PDE11A: variants seen among roughly 807,000 people sequenced by gnomAD.
The protein encoded by PDE11A is dual 3',5'-cyclic-AMP and -GMP phosphodiesterase 11A.
PDE11A carries 100 observed loss-of-function variants against 100.5 expected under a neutral mutation model. The observed-to-expected ratio is 1.00, with a 90% CI of 0.85 to 1.18. The LOEUF (loss-of-function observed/expected upper bound fraction) is 1.18, where lower values mean the gene tolerates loss of function less well. Among genes scored for constraint, PDE11A ranks in the 50% most tolerant of loss-of-function variants. The pLI is 0.00. For missense variants in PDE11A, 1,141 were observed against 1,152.6 expected (o/e 0.99, Z 0.15); for synonymous variants, 381 against 420.8 (o/e 0.91, Z 1.16).
chr2:178,010,152 G>A (rs923053891), intron 2 of PDE11A, among the ~76,000 whole-genome samples: 6 of 152,186 alleles, frequency 3.9e-5, no homozygotes, highest in African/African-American at 9.6e-5. Context: ...AGGCTAGAAA[G>A]ATGCAGCCAC....
intron 1 of PDE11A, among the ~76,000 whole-genome samples, chr2:178,035,075 A>G (rs1399329041): frequency 2.0e-5 from 3 of 152,178 alleles, no homozygotes; most frequent in African/African-American, 7.2e-5. Flanking sequence ...GAAAAAAATC[A>G]ATGAATCCAG....
At chr2:177,998,594 C>T in intron 2 of PDE11A, 2 of 1,297,686 alleles carry the variant, frequency 1.5e-6, no homozygotes, top group Non-Finnish European at 2.2e-6. Context: ...CAGAATCAGC[C>T]AATTCTGTAA....
intron 10 of PDE11A, among the ~76,000 whole-genome samples, chr2:177,739,884 A>G (rs2081847761): frequency 6.6e-6 from 1 of 152,244 alleles, no homozygotes; most frequent in Admixed American, 6.5e-5. Flanking sequence ...CATCACTCGC[A>G]GTGAGGAAGT....
chr2:177,896,417 C>T (rs1265016437), intron 4 of PDE11A, among the ~76,000 whole-genome samples: 1 of 152,192 alleles, frequency 6.6e-6, no homozygotes, highest in Non-Finnish European at 1.5e-5. Context: ...TATCTGTTTA[C>T]AAGTGAGCTA....
chr2:177,638,265 C>T (rs898438606), intron 19 of PDE11A, among the ~76,000 whole-genome samples: 2 of 151,958 alleles, frequency 1.3e-5, no homozygotes, highest in African/African-American at 4.8e-5. Context: ...TCCCAAAGTG[C>T]TGGGATTATA....
chr2:177,777,914 G>A (rs2082400603), intron 9 of PDE11A, among the ~76,000 whole-genome samples: 4 of 152,124 alleles, frequency 2.6e-5, no homozygotes, highest in Non-Finnish European at 5.9e-5. Context: ...GGTATTAATT[G>A]AGCAAATATT....
intron 2 of PDE11A, among the ~76,000 whole-genome samples, chr2:177,961,232 A>G (rs2085628433): frequency 6.6e-6 from 1 of 151,670 alleles, no homozygotes; most frequent in South Asian, 2.1e-4. Context: ...TCTCTGTCCC[A>G]GAAGAGAATG....
intron 13 of PDE11A, among the ~76,000 whole-genome samples, chr2:177,702,060 T>C (rs1366905260): frequency 6.6e-6 from 1 of 152,244 alleles, no homozygotes; most frequent in Admixed American, 6.5e-5. Flanking sequence ...TATTAATCAA[T>C]AATTGAAACA....
Position 177,820,250 on chromosome 2 carries a change from G to A in PDE11A, c.1546C>T (p.Pro516Ser), listed in dbSNP as rs1474347497. The A allele has an allele frequency of 6.3e-7, 1 of 1,588,052 alleles. No individual in the cohort carries two copies. Among genetic ancestry groups the A allele is most frequent in the Non-Finnish European group, 8.6e-7 (1 of 1,157,074 alleles). ...ATTTGGTGGTTGCTATTCCAAATAG[G>A]GACACAAAGAACAGATCTTATGTGA... Reference protein sequence around the residue: ...GFHIRSVLCVPIWNSNHQIIG... With the variant: ...GFHIRSVLCVSIWNSNHQIIG... Residue 516 changes from proline to serine, a missense_variant, in exon 7 of 20, where the codon CCT becomes TCT. By Grantham distance (74) the Pro-to-Ser change is moderately conservative (BLOSUM62 -1). Transcript: ENST00000286063.
intron 4 of PDE11A, among the ~76,000 whole-genome samples, chr2:177,891,709 C>G (rs2084531953): frequency 6.6e-6 from 1 of 152,202 alleles, no homozygotes; most frequent in Admixed American, 6.5e-5. Context: ...CTAGTCAAAT[C>G]TGATCTACTA....
intron 6 of PDE11A, among the ~76,000 whole-genome samples, chr2:177,834,500 G>C (rs2083360635): frequency 6.6e-6 from 1 of 152,140 alleles, no homozygotes; most frequent in Admixed American, 6.5e-5. Context: ...AATGGTTGCA[G>C]GCATGTGCAC....
chr2:178,107,721 CTTTTTT>C (rs1159976078), intron 1 of PDE11A, among the ~76,000 whole-genome samples: 3 of 123,050 alleles, frequency 2.4e-5, no homozygotes, highest in Non-Finnish European at 3.4e-5. Flanking sequence ...CTTTTTTTTT[CTTTTTT>C]TTTTTTTTTT....
rs183219873 is a variant in PDE11A at position 177,640,353 on chromosome 2, A to G, written c.2647-10791T>C. Reference sequence around the variant, plus strand: ...AATCATTGGAAGTTGGTATTTTGAAATGGAAAACCACTGATGATATGACCA... The same window carrying G: ...AATCATTGGAAGTTGGTATTTTGAAGTGGAAAACCACTGATGATATGACCA... On this transcript the variant is annotated intron_variant, in intron 19 of 19. Transcript: ENST00000286063. Among the ~76,000 whole-genome samples the G allele has an allele frequency of 5.4e-4, 83 of 152,316 alleles. No homozygotes were observed. The East Asian group carries it at 0.014, about 25-fold the overall frequency.
intron 13 of PDE11A, among the ~76,000 whole-genome samples, chr2:177,708,694 A>G (rs1289622593): frequency 2.0e-5 from 3 of 152,254 alleles, no homozygotes; most frequent in Admixed American, 2.0e-4. Context: ...TAAAGAAATC[A>G]GGAAACTTTG....
chr2:177,821,429 C>G (rs1186632020), intron 6 of PDE11A, among the ~76,000 whole-genome samples: 2 of 151,680 alleles, frequency 1.3e-5, no homozygotes, highest in East Asian at 1.9e-4. Flanking sequence ...AAGCCACCTC[C>G]AAACCCCTAA....
chr2:177,822,352 C>T (rs1437987454), intron 6 of PDE11A, among the ~76,000 whole-genome samples: 2 of 151,778 alleles, frequency 1.3e-5, no homozygotes, highest in African/African-American at 2.4e-5. Context: ...AAAGCAATAC[C>T]TCTCCCCATC....
At chr2:178,077,460 ACT>A (rs1485199312), upstream of PDE11A, among the ~76,000 whole-genome samples, 1 of 152,070 alleles carries the variant, frequency 6.6e-6, no homozygotes, top group African/African-American at 2.4e-5. Context: ...AGTATATTTT[ACT>A]GCAGAAATTT....
In PDE11A at chr2:177,769,383, A is replaced by T; in HGVS notation, c.1738-10T>A. 1 of 1,532,566 alleles carries T rather than the reference A, an allele frequency of 6.5e-7. No individual in the cohort carries two copies. The highest frequency in any genetic ancestry group is 9.0e-7 in the Non-Finnish European group (1 of 1,105,808). The allele number at this position is 1,532,566 out of a possible 1,614,324, so 94.9% of individuals were successfully genotyped here. A position where few individuals can be genotyped will look rare whatever the true frequency, so the allele number is the denominator to read the frequency against. The stretch of plus-strand genomic sequence containing the variant: ...CATGGTATGATAGCACCTGATTCAG[A>T]AGAAAAAAAAATAATTTTAATAACT... On this transcript the variant is annotated splice_polypyrimidine_tract_variant and intron_variant, in intron 9 of 19. Transcript: ENST00000286063.
intron 1 of PDE11A, among the ~76,000 whole-genome samples, chr2:178,037,090 A>G (rs1019369582): frequency 5.9e-5 from 9 of 152,228 alleles, no homozygotes; most frequent in African/African-American, 1.9e-4. Context: ...CAGGCAACCT[A>G]CAGAATGGGA....
Sources: allele counts gnomAD v4.1 joint callset (sites outside exome capture counted in the v4.1 genomes callset), GRCh38; gene constraint gnomAD v4.1.1; transcripts MANE v1.5; gene names NCBI Gene and HGNC (gene_info 2026-07-23, HGNC 2026-07-21).